Variants in SCHIP1 observed in about 807,000 individuals in gnomAD.
The protein encoded by SCHIP1 is schwannomin interacting protein 1, also known as schwannomin-interacting protein 1.
In SCHIP1, 8 loss-of-function variants were observed where a neutral mutation model predicts 29.7. The ratio of observed to expected loss-of-function variants is 0.27; its 90% CI spans 0.16 to 0.49. The LOEUF (loss-of-function observed/expected upper bound fraction) is 0.49, where lower values mean the gene tolerates loss of function less well. Among genes scored for constraint, SCHIP1 ranks in the 20% least tolerant of loss-of-function variants. SCHIP1 has a pLI of 0.99. For synonymous variants in SCHIP1, 76 were observed against 94.9 expected (o/e 0.80, Z 1.16); for missense variants, 193 against 294.6 (o/e 0.66, Z 2.52).
the SCHIP1 span, among the ~76,000 whole-genome samples, chr3:159,814,622 A>G: frequency 0.13 from 19,440 of 152,242 alleles, 1,466 homozygotes; most frequent in Middle Eastern, 0.29. Flanking sequence ...TGTGCCGCAC[A>G]TTTTGCCGAG....
the SCHIP1 span, among the ~76,000 whole-genome samples, chr3:159,300,518 C>T: frequency 3.1e-4 from 47 of 152,156 alleles, no homozygotes; most frequent in Admixed American, 3.1e-3. Context: ...GCTCCCTCTT[C>T]TGCTCCTCTC....
At chr3:159,644,766 G>A in the SCHIP1 span, among the ~76,000 whole-genome samples, 1 of 151,990 alleles carries the variant, frequency 6.6e-6, no homozygotes, top group Admixed American at 6.6e-5. Flanking sequence ...TTCAAGTACT[G>A]TGCTTATCTT....
the SCHIP1 span, among the ~76,000 whole-genome samples, chr3:159,506,694 G>A: frequency 6.6e-6 from 1 of 152,180 alleles, no homozygotes; most frequent in Non-Finnish European, 1.5e-5. Flanking sequence ...TGGCTAGCCA[G>A]TTTTCCCAGC....
At chr3:159,826,384 A>C in the SCHIP1 span, among the ~76,000 whole-genome samples, 1 of 152,164 alleles carries the variant, frequency 6.6e-6, no homozygotes, top group African/African-American at 2.4e-5. Context: ...TTGGAAAATA[A>C]ATTTGATTTT....
At chr3:159,755,298 C>T in the SCHIP1 span, among the ~76,000 whole-genome samples, 255 of 152,242 alleles carry the variant, frequency 1.7e-3, no homozygotes, top group Non-Finnish European at 2.4e-3. Context: ...GGGGATACCT[C>T]GCAATCATGG....
chr3:159,706,181 T>C, the SCHIP1 span, among the ~76,000 whole-genome samples: 1 of 152,216 alleles, frequency 6.6e-6, no homozygotes. Context: ...TGTGGTTTTT[T>C]TCAGCCTAAG....
At chr3:159,567,844 T>C in the SCHIP1 span, among the ~76,000 whole-genome samples, 3 of 152,174 alleles carry the variant, frequency 2.0e-5, no homozygotes, top group Non-Finnish European at 2.9e-5. Flanking sequence ...TCAAGTACTA[T>C]AGGAAAACAT....
chr3:159,329,869 AT>A, the SCHIP1 span, among the ~76,000 whole-genome samples: 52 of 148,198 alleles, frequency 3.5e-4, no homozygotes, highest in South Asian at 1.3e-3. Context: ...CACCGTTAGT[AT>A]TTTTTTTTTT....
the SCHIP1 span, among the ~76,000 whole-genome samples, chr3:159,468,777 A>ATATATATATATATATTTTT: frequency 7.9e-6 from 1 of 127,338 alleles, no homozygotes; most frequent in African/African-American, 3.0e-5. Flanking sequence ...ATATATATAT[A>ATATATATATATATATTTTT]TTTTTTTTAG....
At chr3:159,844,707 C>A (rs1196719724) in intron 1 of SCHIP1, among the ~76,000 whole-genome samples, 1 of 152,176 alleles carries the variant, frequency 6.6e-6, no homozygotes, top group Non-Finnish European at 1.5e-5. Flanking sequence ...TCGAAGGGTC[C>A]ATTTTGCTTA....
the SCHIP1 span, among the ~76,000 whole-genome samples, chr3:159,573,231 T>G: frequency 6.6e-6 from 1 of 152,212 alleles, no homozygotes; most frequent in Non-Finnish European, 1.5e-5. Flanking sequence ...ATTTGGCATG[T>G]TTTTGCAGTG....
the SCHIP1 span, among the ~76,000 whole-genome samples, chr3:159,557,470 C>T: frequency 4.9e-4 from 74 of 152,190 alleles, no homozygotes; most frequent in South Asian, 0.013. Flanking sequence ...TTGGCTCATT[C>T]GGAAAACAAT....
At chr3:159,380,635 T>C in the SCHIP1 span, among the ~76,000 whole-genome samples, 1 of 152,286 alleles carries the variant, frequency 6.6e-6, no homozygotes, top group South Asian at 2.1e-4. Flanking sequence ...ATAATATCTC[T>C]ATTTGCTTAG....
chr3:159,587,839 G>T, the SCHIP1 span, among the ~76,000 whole-genome samples: 2 of 152,132 alleles, frequency 1.3e-5, no homozygotes, highest in African/African-American at 2.4e-5. Context: ...TGGTGTATAT[G>T]TGCCACATTT....
the SCHIP1 span, among the ~76,000 whole-genome samples, chr3:159,285,902 A>C: frequency 6.6e-6 from 1 of 151,866 alleles, no homozygotes; most frequent in Non-Finnish European, 1.5e-5. Context: ...CCCCTATCTC[A>C]TTATTCTCCT....
chr3:159,327,626 A>G, the SCHIP1 span, among the ~76,000 whole-genome samples: 1 of 152,166 alleles, frequency 6.6e-6, no homozygotes, highest in Non-Finnish European at 1.5e-5. Context: ...TTTGCTAGCA[A>G]GCCCACTGTT....
At chr3:159,569,173 T>G in the SCHIP1 span, among the ~76,000 whole-genome samples, 1 of 152,164 alleles carries the variant, frequency 6.6e-6, no homozygotes, top group South Asian at 2.1e-4. Flanking sequence ...ATTACTGGTT[T>G]TTTTTTAAAT....
the SCHIP1 span, among the ~76,000 whole-genome samples, chr3:159,477,862 C>T: frequency 1.3e-5 from 2 of 150,418 alleles, no homozygotes; most frequent in South Asian, 4.2e-4. Context: ...AGATCTACAT[C>T]ATGGAACTTT....
intron 2 of SCHIP1, among the ~76,000 whole-genome samples, chr3:159,867,970 G>GTGATTTATATATATATATATAAATCAA (rs71144500): frequency 0.1 from 14,349 of 143,396 alleles, 846 homozygotes; most frequent in Middle Eastern, 0.17. Flanking sequence ...TTGAAAATCA[G>GTGATTTATATATATATATATAAATCAA]TGATTTATAT....
Sources: gnomAD v4.1 joint callset for allele counts (sites outside exome capture counted in the v4.1 genomes callset) on GRCh38, gnomAD v4.1.1 for gene constraint, MANE v1.5 for transcripts, NCBI Gene and HGNC (gene_info 2026-07-23, HGNC 2026-07-21) for gene names.